Variants in SPART observed in about 807,000 individuals in gnomAD.
SPART encodes spastic paraplegia 20 (Troyer syndrome).
SPART carries 35 observed loss-of-function variants against 58.7 expected under a neutral mutation model. That is an observed-to-expected ratio of 0.60 (90% CI 0.46 to 0.79). The LOEUF is 0.79. SPART is among the 30% of genes least tolerant of loss of function. The probability of loss-of-function intolerance (pLI) is 0.00; values close to 1 mark genes in which losing one functional copy is unlikely to be tolerated. For synonymous variants in SPART, 284 were observed against 280.7 expected (o/e 1.01, Z -0.12); for missense variants, 730 against 786.1 (o/e 0.93, Z 0.85).
intron 1 of SPART, 108 bp from the exon 2 acceptor site, chr13:36,335,940 T>A (rs1289499287): frequency 1.1e-6 from 1 of 887,584 alleles, no homozygotes; most frequent in Non-Finnish European, 1.8e-6. Flanking sequence ...CGCTTATCTC[T>A]GTTTTGTTCA....
intron 5 of SPART, among the ~76,000 whole-genome samples, chr13:36,322,355 G>A (rs528126293): frequency 6.6e-6 from 1 of 152,316 alleles, no homozygotes; most frequent in African/African-American, 2.4e-5. Flanking sequence ...GCTGAGGCAG[G>A]AGAGTCACTT....
In SPART at chr13:36,310,744, T is replaced by A. The variant is rs563975405; in HGVS notation, c.1733+1401A>T. 1.1e-3 allele frequency among the ~76,000 whole-genome samples: 166 copies of A among 152,224 alleles called. 1 individual carries two copies. Among genetic ancestry groups the A allele is most frequent in the Admixed American group, 2.2e-3 (33 of 15,288 alleles). ...AAATGTTCCCCTGTTCACACTTGTT[T>A]TCTTTAAACTAGTCAATCCACAGGC... On this transcript the variant is annotated intron_variant, in intron 8 of 8. Transcript: ENST00000438666.
rs796410312 is a variant in SPART, at chr13:36,302,204, TTCA to T, written c.*2158_*2160del. 21 of 151,930 alleles carry T rather than the reference TTCA, an allele frequency of 1.4e-4. No homozygotes were observed. The highest frequency in any genetic ancestry group is 4.8e-4 in the African/African-American group (20 of 41,498). 9.4% of individuals were successfully genotyped at this position (151,930 alleles called of 1,614,324 possible). A position where few individuals can be genotyped will look rare whatever the true frequency, so the allele number is the denominator to read the frequency against. ...TGTGATGAGTTTTTAAGTGTTGTTATTCATCATACCTTACAAGTAATATATAAT... is the reference window on the plus strand; with the variant it reads ...TGTGATGAGTTTTTAAGTGTTGTTATTCATACCTTACAAGTAATATATAAT... On this transcript the variant is annotated 3_prime_UTR_variant, in exon 9 of 9. Coordinates refer to ENST00000438666, the MANE Select transcript of SPART (RefSeq NM_015087.5).
At chr13:36,367,147 T>G (rs1886091580) in intron 1 of SPART, among the ~76,000 whole-genome samples, 1 of 152,064 alleles carries the variant, frequency 6.6e-6, no homozygotes, top group Non-Finnish European at 1.5e-5. Context: ...TTTTAAAGCA[T>G]CTCCGGAAAA....
In SPART at chr13:36,314,357, T is replaced by C. The variant is rs1881456070; in HGVS notation, c.1353A>G (p.Lys451=). 11 of 1,614,178 alleles carry C rather than the reference T, an allele frequency of 6.8e-6. No individual in the cohort carries two copies. The East Asian group carries it at 2.5e-4, about 36-fold the overall frequency. The change falls in exon 6 of 9, where the codon AAA becomes AAG. Residue 451 remains lysine, a synonymous_variant. Coordinates refer to ENST00000438666, the MANE Select transcript of SPART (RefSeq NM_015087.5). The part of the protein sequence containing the change: ...GAEITGKAIQ[K]GASKLRERIQ... ...TCCGCTCTCGGAGTTTAGAAGCACC[T>C]TTCTGGATTGCCTTACCAGTAATCT...
At chr13:36,332,294 C>G (rs1883535121) in intron 2 of SPART, among the ~76,000 whole-genome samples, 1 of 152,124 alleles carries the variant, frequency 6.6e-6, no homozygotes, top group Non-Finnish European at 1.5e-5. Flanking sequence ...GTCAGGAGTT[C>G]AAGACCTGCC....
intron 1 of SPART, among the ~76,000 whole-genome samples, chr13:36,356,291 GAGTCTGT>G (rs1206561588): frequency 6.6e-6 from 1 of 152,210 alleles, no homozygotes; most frequent in East Asian, 1.9e-4. Flanking sequence ...ACTCTGCTTG[GAGTCTGT>G]AAGCAGCCTG....
chr13:36,320,341 CTG>C (rs1593239067), intron 5 of SPART, among the ~76,000 whole-genome samples: 3 of 152,296 alleles, frequency 2.0e-5, no homozygotes. Context: ...ACCCCCATGA[CTG>C]TATCTCTCTG....
At chr13:36,310,206 T>C (rs1181750372) in intron 8 of SPART, among the ~76,000 whole-genome samples, 1 of 152,198 alleles carries the variant, frequency 6.6e-6, no homozygotes, top group African/African-American at 2.4e-5. Flanking sequence ...AAGTATGAAC[T>C]CAACTAAATG....
chr13:36,314,478 A>G (rs1347073525), intron 5 of SPART, 57 bp from the exon 6 acceptor site: 1 of 1,494,194 alleles, frequency 6.7e-7, no homozygotes, highest in East Asian at 2.3e-5. Flanking sequence ...GCTTTTGAAC[A>G]CTTTAATAAA....
intron 1 of SPART, among the ~76,000 whole-genome samples, chr13:36,365,039 A>G (rs1409601408): frequency 6.6e-6 from 1 of 152,142 alleles, no homozygotes; most frequent in Non-Finnish European, 1.5e-5. Context: ...CTCCTCTGAC[A>G]CTGGAGGTTG....
At chr13:36,314,772 A>T (rs1881506632) in intron 5 of SPART, among the ~76,000 whole-genome samples, 1 of 152,196 alleles carries the variant, frequency 6.6e-6, no homozygotes, top group Non-Finnish European at 1.5e-5. Flanking sequence ...TTAAGATAGA[A>T]TTTGGCCAAA....
chr13:36,363,165 C>T (rs370215805), intron 1 of SPART, among the ~76,000 whole-genome samples: 4 of 152,294 alleles, frequency 2.6e-5, no homozygotes, highest in South Asian at 4.2e-4. Context: ...ATTTGCCTGA[C>T]GATCTGTGAG....
At chr13:36,349,078 A>G (rs1885311160), upstream of SPART, among the ~76,000 whole-genome samples, 1 of 152,168 alleles carries the variant, frequency 6.6e-6, no homozygotes, top group Admixed American at 6.5e-5. Context: ...AGCCCGACCA[A>G]CATGAAGAAA....
intron 1 of SPART, among the ~76,000 whole-genome samples, chr13:36,364,116 A>G (rs1322775208): frequency 6.6e-6 from 1 of 152,128 alleles, no homozygotes; most frequent in Non-Finnish European, 1.5e-5. Context: ...TCTGTCCTGA[A>G]CGCTATTCCG....
intron 2 of SPART, among the ~76,000 whole-genome samples, chr13:36,332,352 G>T (rs1883540738): frequency 1.3e-5 from 2 of 152,110 alleles, no homozygotes; most frequent in Non-Finnish European, 2.9e-5. Flanking sequence ...ACAAAAATTA[G>T]CTGGGGGTGG....
chr13:36,329,562 T>TA, intron 3 of SPART, 45 bp from the exon 4 acceptor site: 1 of 1,599,496 alleles, frequency 6.3e-7, no homozygotes, highest in East Asian at 2.2e-5. Flanking sequence ...GAATTTTTCT[T>TA]AGATGGCTTT....
intron 5 of SPART, among the ~76,000 whole-genome samples, chr13:36,321,405 G>A (rs1051438924): frequency 6.6e-6 from 1 of 152,154 alleles, no homozygotes. Flanking sequence ...GATATCCTGA[G>A]TCGTCCCAAT....
chr13:36,328,031 C>T (rs947932356), intron 4 of SPART, among the ~76,000 whole-genome samples: 2 of 152,102 alleles, frequency 1.3e-5, no homozygotes, highest in Non-Finnish European at 1.5e-5. Flanking sequence ...TGTGTCTGGA[C>T]ACATAATTAT....
Sources: gnomAD v4.1 joint callset for allele counts (sites outside exome capture counted in the v4.1 genomes callset) on GRCh38, gnomAD v4.1.1 for gene constraint, MANE v1.5 for transcripts, NCBI Gene and HGNC (gene_info 2026-07-23, HGNC 2026-07-21) for gene names.